The following CCDC61 variants were observed in gnomAD, a reference collection of about 807,000 sequenced individuals.
CCDC61 encodes coiled-coil domain containing 61.
A neutral mutation model predicts 63.0 loss-of-function variants in CCDC61; 55 were observed. That is an observed-to-expected ratio of 0.87 (90% confidence interval 0.70 to 1.09). The LOEUF (loss-of-function observed/expected upper bound fraction) is 1.09, where lower values mean the gene tolerates loss of function less well. Among genes scored for constraint, CCDC61 ranks in the 50% least tolerant of loss-of-function variants. The pLI is 0.00. For synonymous variants in CCDC61, 270 were observed against 317.0 expected (o/e 0.85, Z 1.58); for missense variants, 651 against 731.4 (o/e 0.89, Z 1.27).
At position 46,018,134 on chromosome 19, in the gene CCDC61, C is replaced by A; in HGVS notation, c.1425C>A (p.Gly475=). The change falls in exon 13 of 14, where the codon GGC becomes GGA. Residue 475 remains glycine (G), a synonymous_variant. Transcript: ENST00000595358. The surrounding 1 kb of genome is among the most constrained non-coding windows in gnomAD (Gnocchi z 4.2). The part of the protein sequence containing the change: ...HHQKSLANSG[G]WVPIKEYSSE... The stretch of plus-strand genomic sequence containing the variant: ...AGAAATCTCTGGCCAACTCCGGGGG[C>A]TGGGTCCCCATCAAAGGTGAGCCTG... 1.9e-6 allele frequency: 3 copies of A among 1,608,324 alleles called. No individual in the cohort carries two copies. The highest frequency in any genetic ancestry group is 2.5e-6 in the Non-Finnish European group (3 of 1,177,606).
At chr19:46,001,300 C>T (rs1289188188) in intron 1 of CCDC61, among the ~76,000 whole-genome samples, 1 of 152,176 alleles carries the variant, frequency 6.6e-6, no homozygotes, top group Non-Finnish European at 1.5e-5. Context: ...GATCTTGGCT[C>T]ACAGCAACCT....
intron 5 of CCDC61, among the ~76,000 whole-genome samples, chr19:46,010,953 T>C (rs1416579517): frequency 2.0e-5 from 3 of 152,270 alleles, no homozygotes; most frequent in Non-Finnish European, 4.4e-5. Flanking sequence ...TACACTTCTC[T>C]GATCACCTCT....
chr19:46,009,091 G>C (rs1454882905), intron 5 of CCDC61, among the ~76,000 whole-genome samples: 1 of 152,184 alleles, frequency 6.6e-6, no homozygotes, highest in Admixed American at 6.5e-5. Flanking sequence ...GGGAGCCTGT[G>C]CTGTGGGAGG....
At chr19:46,011,327 G>C (rs948977739) in intron 5 of CCDC61, among the ~76,000 whole-genome samples, 24 of 152,056 alleles carry the variant, frequency 1.6e-4, no homozygotes, top group Admixed American at 1.2e-3. Flanking sequence ...TGAGATTACA[G>C]GCACGAGCCA....
intron 12 of CCDC61, 90 bp from the exon 13 acceptor site, chr19:46,017,988 G>T (rs1568699153): frequency 1.7e-5 from 20 of 1,191,452 alleles, no homozygotes; most frequent in Admixed American, 2.6e-5. Context: ...TTTCCCCAAG[G>T]TCCTTAGGCT....
Position 46,016,659 on chromosome 19 carries a change from G to T in CCDC61, c.1092-35G>T, listed in dbSNP as rs1444106515. 1 of 1,609,292 alleles carries T rather than the reference G, an allele frequency of 6.2e-7. No individual in the cohort carries two copies. Among genetic ancestry groups the T allele is most frequent in the Admixed American group, 1.7e-5 (1 of 59,456 alleles). The stretch of plus-strand genomic sequence containing the variant: ...TGACCCCCTTGCCTGCAGGAGTTGG[G>T]CGTACAGACCGGCGTCTCCTTTCTT... On this transcript the variant is annotated intron_variant, in intron 9 of 13. Transcript: ENST00000595358. This position sits in a 1 kb window ranked among gnomAD's most constrained non-coding sequence, Gnocchi z 7.2.
At chr19:45,999,874 C>G (rs1968558726) in intron 1 of CCDC61, among the ~76,000 whole-genome samples, 1 of 151,860 alleles carries the variant, frequency 6.6e-6, no homozygotes, top group South Asian at 2.1e-4. Flanking sequence ...GCACAGTGCT[C>G]GCAGGGATGG....
intron 4 of CCDC61, among the ~76,000 whole-genome samples, 181 bp downstream of exon 4, chr19:46,006,897 C>T (rs1276353933): frequency 2.0e-5 from 3 of 152,198 alleles, no homozygotes; most frequent in African/African-American, 7.2e-5. Flanking sequence ...AGCAGAATAA[C>T]CATCACCAGT....
chr19:46,017,968 A>G, intron 12 of CCDC61, 110 bp from the exon 13 acceptor site: 1 of 889,358 alleles, frequency 1.1e-6, no homozygotes, highest in Non-Finnish European at 1.7e-6. Context: ...AGTAGGTGTC[A>G]GGCCTTATTT....
intron 5 of CCDC61, among the ~76,000 whole-genome samples, chr19:46,010,263 G>T (rs998456820): frequency 6.6e-6 from 1 of 152,198 alleles, no homozygotes; most frequent in Non-Finnish European, 1.5e-5. Context: ...CACCCAGCTT[G>T]TTAACAAGTG....
intron 4 of CCDC61, among the ~76,000 whole-genome samples, chr19:46,007,717 G>C (rs898516967): frequency 1.3e-5 from 2 of 152,178 alleles, no homozygotes; most frequent in African/African-American, 4.8e-5. Flanking sequence ...TCTGTGAATA[G>C]CATCTCATGG....
intron 1 of CCDC61, among the ~76,000 whole-genome samples, chr19:46,002,205 A>T (rs1282644770): frequency 6.6e-6 from 1 of 151,898 alleles, no homozygotes; most frequent in East Asian, 1.9e-4. Context: ...TCGCCTCCCA[A>T]AGTGCTGGGA....
intron 5 of CCDC61, among the ~76,000 whole-genome samples, chr19:46,014,294 TC>T (rs938955720): frequency 3.9e-5 from 6 of 152,130 alleles, no homozygotes; most frequent in Non-Finnish European, 8.8e-5. Context: ...AATCCTTTTT[TC>T]CCCCATAGAT....
intron 5 of CCDC61, among the ~76,000 whole-genome samples, chr19:46,011,368 CTT>C (rs1968826203): frequency 6.6e-6 from 1 of 152,116 alleles, no homozygotes; most frequent in Non-Finnish European, 1.5e-5. Context: ...TCTTAAATCT[CTT>C]TTAATTTATA....
rs11879772 is a variant in CCDC61, at chr19:46,004,412, A to T, written c.231+911A>T. Among the ~76,000 whole-genome samples, 1,398 of 152,300 alleles carry T rather than the reference A, an allele frequency of 9.2e-3. 18 individuals are homozygous for T. Among genetic ancestry groups the T allele is most frequent in the African/African-American group, 0.027 (1,129 of 41,568 alleles). Reference sequence around the variant, plus strand: ...CAAAACCCCTGTCCTCATGAGGCTGACATTTTGGAGAGACAGACAAATGAA... The same window carrying T: ...CAAAACCCCTGTCCTCATGAGGCTGTCATTTTGGAGAGACAGACAAATGAA... On this transcript the variant is annotated intron_variant, in intron 3 of 13. Coordinates refer to ENST00000595358, the MANE Select transcript of CCDC61 (RefSeq NM_001267723.2).
At chr19:46,008,904 T>C (rs1390084506) in intron 5 of CCDC61, among the ~76,000 whole-genome samples, 1 of 152,114 alleles carries the variant, frequency 6.6e-6, no homozygotes, top group Non-Finnish European at 1.5e-5. Flanking sequence ...GGGAGCAGCA[T>C]GTGCAAAGGT....
chr19:46,006,076 C>T (rs1300957105), intron 3 of CCDC61, among the ~76,000 whole-genome samples: 5 of 152,150 alleles, frequency 3.3e-5, no homozygotes, highest in Non-Finnish European at 7.4e-5. Flanking sequence ...GTTTATTTCT[C>T]TTCCCCAGCC....
intron 3 of CCDC61, among the ~76,000 whole-genome samples, chr19:46,003,820 CGTGTGTGTGT>C (rs55945123): frequency 0.028 from 4,075 of 144,004 alleles, 191 homozygotes; most frequent in African/African-American, 0.095. Flanking sequence ...TTTCCAAATA[CGTGTGTGTGT>C]GTGTGTGTGT....
At position 46,016,475 on chromosome 19, in the gene CCDC61, A is replaced by T. The variant is rs1968939124; in HGVS notation, c.1091+82A>T. The T allele has an allele frequency of 2.0e-6, 3 of 1,521,832 alleles. No individual in the cohort carries two copies. In the African/African-American group the frequency reaches 4.1e-5, roughly 21 times the overall value. The allele number at this position is 1,521,832 out of a possible 1,614,324, so 94.3% of individuals were successfully genotyped here. The stretch of plus-strand genomic sequence containing the variant: ...GCTCTCATCTCTCCACGCCACCATC[A>T]GTCTCCATCCCCTGCCACCTGCTCG... On this transcript the variant is annotated intron_variant, in intron 9 of 13. Coordinates refer to ENST00000595358, the MANE Select transcript of CCDC61 (RefSeq NM_001267723.2). This position sits in a 1 kb window ranked among gnomAD's most constrained non-coding sequence, Gnocchi z 7.2.
Sources: gnomAD v4.1 joint callset for allele counts (sites outside exome capture counted in the v4.1 genomes callset) on GRCh38, gnomAD v4.1.1 for gene constraint, Gnocchi (gnomAD v3.1) non-coding constraint, MANE v1.5 for transcripts, NCBI Gene and HGNC (gene_info 2026-07-23, HGNC 2026-07-21) for gene names.